Variants in PLOD1 observed in about 807,000 individuals in gnomAD.
PLOD1 encodes the protein procollagen-lysine,2-oxoglutarate 5-dioxygenase 1, also known as lysine hydroxylase.
A neutral mutation model predicts 94.7 loss-of-function variants in PLOD1; 70 were observed. That is an observed-to-expected ratio of 0.74 (90% CI 0.61 to 0.90). PLOD1 has a LOEUF of 0.90. PLOD1 is among the 40% of genes least tolerant of loss of function. The pLI is 0.00. For synonymous variants in PLOD1, 417 were observed against 400.2 expected, an observed-to-expected ratio of 1.04 and a Z score of -0.50; for missense variants, 905 against 972.7, an observed-to-expected ratio of 0.93 and a Z score of 0.93.
chr1:11,940,920 G>A (rs1347160325), intron 1 of PLOD1, among the ~76,000 whole-genome samples: 6 of 152,236 alleles, frequency 3.9e-5, no homozygotes, highest in South Asian at 4.1e-4. Context: ...CACTGGAAGC[G>A]CTGGCTTTTG....
intron 14 of PLOD1, 22 bp from the exon 15 acceptor site, chr1:11,966,228 AG>A (rs751508942): frequency 6.3e-7 from 1 of 1,585,778 alleles, no homozygotes; most frequent in South Asian, 1.1e-5. Context: ...TGAGGACCCT[AG>A]CCTGCTTCCC....
intron 1 of PLOD1, chr1:11,944,418 C>A: frequency 1.6e-6 from 1 of 642,832 alleles, no homozygotes; most frequent in Non-Finnish European, 2.4e-6. Context: ...TGCGCATGCA[C>A]GCGTACACAC....
In PLOD1 at chr1:11,957,903, C is replaced by A. The variant is rs2100751465; in HGVS notation, c.803C>A (p.Thr268Asn). 1 of 1,614,064 alleles carries A rather than the reference C, an allele frequency of 6.2e-7. No homozygotes were observed. The highest frequency in any genetic ancestry group is 8.5e-7 in the Non-Finnish European group (1 of 1,179,924). Reference protein sequence around the residue: ...PRFWTFETGCTVCDEGLRSLK... With the variant: ...PRFWTFETGCNVCDEGLRSLK... The stretch of plus-strand genomic sequence containing the variant: ...TTCTGGACCTTCGAAACAGGCTGCA[C>A]CGTGTGTGACGAAGGCTTGCGCAGC... Residue 268 changes from threonine to asparagine, a missense_variant, in exon 8 of 19, where the codon ACC becomes AAC. By Grantham distance (65) the Thr-to-Asn change is moderately conservative (BLOSUM62 0). Coordinates refer to ENST00000196061, the MANE Select transcript of PLOD1 (RefSeq NM_000302.4). The surrounding 1 kb of genome is among the most constrained non-coding windows in gnomAD (Gnocchi z 4.1).
At chr1:11,938,242 C>T (rs1355075811) in intron 1 of PLOD1, among the ~76,000 whole-genome samples, 1 of 152,150 alleles carries the variant, frequency 6.6e-6, no homozygotes, top group Non-Finnish European at 1.5e-5. Context: ...TGAGCCACCA[C>T]GCCCGGCCAG....
At chr1:11,973,490 ACT>A (rs1212459970) in intron 18 of PLOD1, among the ~76,000 whole-genome samples, 1 of 151,780 alleles carries the variant, frequency 6.6e-6, no homozygotes, top group East Asian at 1.9e-4. Context: ...ACAGAGCGAG[ACT>A]CTGTCTCCAA....
In PLOD1 at chr1:11,969,176, CAG is replaced by C. The variant is rs373300400; in HGVS notation, c.1756-1493_1756-1492del. ...CTAATTTTTGTATTTTTAGTAGAGA[CAG>C]GGGTTTCACCGTGTTTGTGAGGCTG... is the stretch of plus-strand genomic sequence containing the variant. On this transcript the variant is annotated intron_variant, in intron 16 of 18. Transcript: ENST00000196061. 4.4e-3 allele frequency among the ~76,000 whole-genome samples: 666 copies of C among 151,796 alleles called. 8 individuals carry two copies. Among genetic ancestry groups the C allele is most frequent in the East Asian group, 0.041 (211 of 5,134 alleles).
intron 1 of PLOD1, among the ~76,000 whole-genome samples, chr1:11,939,600 C>G (rs1284518044): frequency 6.6e-6 from 1 of 152,078 alleles, no homozygotes; most frequent in Non-Finnish European, 1.5e-5. Context: ...GTCAGTCTCT[C>G]CACATCATTC....
intron 1 of PLOD1, among the ~76,000 whole-genome samples, chr1:11,945,463 A>G (rs1569677029): frequency 1.3e-5 from 2 of 149,832 alleles, no homozygotes; most frequent in South Asian, 4.2e-4. Flanking sequence ...AAGAAAGGGG[A>G]CACAGAGGGA....
intron 1 of PLOD1, among the ~76,000 whole-genome samples, chr1:11,940,708 C>G (rs1173132346): frequency 1.3e-5 from 2 of 152,206 alleles, no homozygotes; most frequent in East Asian, 1.9e-4. Flanking sequence ...GCTGAGAGCT[C>G]TGGGTGCCAG....
Position 11,957,319 on chromosome 1 carries a change from C to G in PLOD1, c.741+305C>G. On this transcript the variant is annotated intron_variant, in intron 7 of 18. Transcript: ENST00000196061. This position sits in a 1 kb window ranked among gnomAD's most constrained non-coding sequence, Gnocchi z 4.1. ...ACCCCAGGGCAGAGTCACTTATTCACTCAGTAAACCTTTATTTCATGTTTG... is the reference window on the plus strand; with the variant it reads ...ACCCCAGGGCAGAGTCACTTATTCAGTCAGTAAACCTTTATTTCATGTTTG... The G allele has an allele frequency of 1.8e-6, 1 of 558,866 alleles. No individual in the cohort carries two copies. The highest frequency in any genetic ancestry group is 1.6e-5 in the South Asian group (1 of 63,674). 34.6% of individuals were successfully genotyped at this position (558,866 alleles called of 1,614,324 possible).
chr1:11,944,736 T>A, intron 1 of PLOD1: 1 of 1,114,018 alleles, frequency 9.0e-7, no homozygotes. Flanking sequence ...AGCTAATCCC[T>A]GCCAATCCCT....
At chr1:11,947,868 T>G (rs1300671522) in intron 1 of PLOD1, 108 bp from the exon 2 acceptor site, 3 of 773,244 alleles carry the variant, frequency 3.9e-6, no homozygotes, top group African/African-American at 3.4e-5. Flanking sequence ...TGGGTTGACA[T>G]GAAGACACTT....
rs114809135 is a variant in PLOD1, at chr1:11,967,148, G to A, written c.1755+57G>A. ...GGGAGGCTGCCTCTCCATCAGTGCC[G>A]CTCACTGTCTGGGGTCTTCTGGCAA... On this transcript the variant is annotated intron_variant, in intron 16 of 18. Transcript: ENST00000196061. The A allele has an allele frequency of 1.5e-3, 1,681 of 1,107,124 alleles. 14 individuals are homozygous for A. In the African/African-American group the frequency reaches 0.022, roughly 15 times the overall value. 68.6% of individuals were successfully genotyped at this position (1,107,124 alleles called of 1,614,324 possible).
chr1:11,974,814 C>T lies in PLOD1; in HGVS notation c.*6C>T, dbSNP rs1254813319. 2.4e-5 allele frequency: 39 copies of T among 1,614,062 alleles called. No homozygotes were observed. Among genetic ancestry groups the T allele is most frequent in the Middle Eastern group, 3.3e-4 (2 of 6,062 alleles). ...TCTCCTTCGTCGATCCCTAATTGGCCAGGCCTGACCCTCTTGGACCTTTCT... is the reference window on the plus strand; with the variant it reads ...TCTCCTTCGTCGATCCCTAATTGGCTAGGCCTGACCCTCTTGGACCTTTCT... On this transcript the variant is annotated 3_prime_UTR_variant, in exon 19 of 19. Coordinates refer to ENST00000196061, the MANE Select transcript of PLOD1 (RefSeq NM_000302.4).
At chr1:11,935,960 G>C (rs1645575632) in intron 1 of PLOD1, among the ~76,000 whole-genome samples, 1 of 150,704 alleles carries the variant, frequency 6.6e-6, no homozygotes, top group African/African-American at 2.4e-5. Flanking sequence ...TCCCAGGTAG[G>C]TGGGATCACA....
Position 11,942,091 on chromosome 1 carries a change from T to G in PLOD1, c.77-5885T>G, listed in dbSNP as rs556039805. On this transcript the variant is annotated intron_variant, in intron 1 of 18. Coordinates refer to ENST00000196061, the MANE Select transcript of PLOD1 (RefSeq NM_000302.4). ...TCTGCCTCCTGGGTTCAAGCAATTC[T>G]CGTGCCTCAGCCTTCTGAGTAGCTG... 8.6e-5 allele frequency among the ~76,000 whole-genome samples: 13 copies of G among 151,432 alleles called. No individual in the cohort carries two copies. The South Asian group carries it at 1.7e-3, about 20-fold the overall frequency.
intron 9 of PLOD1, among the ~76,000 whole-genome samples, chr1:11,960,349 G>A (rs981912648): frequency 6.6e-6 from 1 of 152,204 alleles, no homozygotes; most frequent in African/African-American, 2.4e-5. Flanking sequence ...CCACACCCAG[G>A]AATCAACAAT....
chr1:11,966,442 G>A (rs1186753461), intron 15 of PLOD1, 126 bp downstream of exon 15: 7 of 411,132 alleles, frequency 1.7e-5, no homozygotes, highest in Non-Finnish European at 3.4e-5. Flanking sequence ...AGGGATGGGA[G>A]TTGGGGGGCG....
Position 11,954,401 on chromosome 1 carries a change from G to A in PLOD1, c.580-429G>A, listed in dbSNP as rs190883913. Reference sequence around the variant, plus strand: ...CTCAGGAGTCTGAGGCAGGAGAATCGCTTGAACCCAGGAGGCGGAGGTTGC... The same window carrying A: ...CTCAGGAGTCTGAGGCAGGAGAATCACTTGAACCCAGGAGGCGGAGGTTGC... On this transcript the variant is annotated intron_variant, in intron 5 of 18. Transcript: ENST00000196061. 5.0e-3 allele frequency: 2,068 copies of A among 413,776 alleles called. 27 individuals are homozygous for A. The highest frequency in any genetic ancestry group is 0.029 in the East Asian group (404 of 13,830). 25.6% of individuals were successfully genotyped at this position (413,776 alleles called of 1,614,324 possible). A position where few individuals can be genotyped will look rare whatever the true frequency, so the allele number is the denominator to read the frequency against.
Sources: allele counts gnomAD v4.1 joint callset (sites outside exome capture counted in the v4.1 genomes callset), GRCh38; gene constraint gnomAD v4.1.1; non-coding constraint Gnocchi (gnomAD v3.1); transcripts MANE v1.5; gene names NCBI Gene and HGNC (gene_info 2026-07-23, HGNC 2026-07-21).